Variants in PTTG1IP2 observed in about 807,000 individuals in gnomAD.
PTTG1IP2 encodes the protein PTTG1IP family member 2.
intron 6 of PTTG1IP2, among the ~76,000 whole-genome samples, chr7:90,501,477 G>A (rs994405413): frequency 1.3e-5 from 2 of 152,196 alleles, no homozygotes; most frequent in Non-Finnish European, 2.9e-5. Flanking sequence ...AGACCAGCCT[G>A]TGCAACATAG....
At chr7:90,505,954 G>T (rs373080633) in intron 6 of PTTG1IP2, among the ~76,000 whole-genome samples, 1 of 125,896 alleles carries the variant, frequency 7.9e-6, no homozygotes, top group African/African-American at 3.0e-5. Flanking sequence ...ACTGCAGTCC[G>T]CAGTCCGGCC....
rs141627876 is a variant in PTTG1IP2 at position 90,485,543 on chromosome 7, T to C, written c.193-1784T>C. Reference sequence around the variant, plus strand: ...TAAACACTCCTATTTAGAAGGAGGATAGTGGCCAATAGTCCTATAATATAT... The same window carrying C: ...TAAACACTCCTATTTAGAAGGAGGACAGTGGCCAATAGTCCTATAATATAT... On this transcript the variant is annotated intron_variant, in intron 2 of 6. Coordinates refer to ENST00000509356, the MANE Select transcript of PTTG1IP2 (RefSeq NM_001365443.2). Among the ~76,000 whole-genome samples, 245 of 152,306 alleles carry C rather than the reference T, an allele frequency of 1.6e-3. 3 individuals are homozygous for C. In the East Asian group the frequency reaches 0.034, roughly 21 times the overall value.
At chr7:90,480,436 A>G (rs1447202596) in intron 2 of PTTG1IP2, among the ~76,000 whole-genome samples, 1 of 152,188 alleles carries the variant, frequency 6.6e-6, no homozygotes. Context: ...CAAATACACC[A>G]ATAAAGAAAG....
Position 90,491,469 on chromosome 7 carries a change from A to C in PTTG1IP2, c.381-770A>C, listed in dbSNP as rs17866289. On this transcript the variant is annotated intron_variant, in intron 4 of 6. Coordinates refer to ENST00000509356, the MANE Select transcript of PTTG1IP2 (RefSeq NM_001365443.2). ...GAAACCCCATCTCTACTAAAAATAC[A>C]AAACTTAGCTGGGCGTGGTGGCACG... Among the ~76,000 whole-genome samples the C allele has an allele frequency of 7.3e-3, 1,112 of 152,142 alleles. 12 individuals are homozygous for C. The highest frequency in any genetic ancestry group is 0.041 in the Middle Eastern group (12 of 294).
At chr7:90,510,807 T>C (rs916592340) in intron 6 of PTTG1IP2, among the ~76,000 whole-genome samples, 16 of 152,250 alleles carry the variant, frequency 1.1e-4, no homozygotes, top group Non-Finnish European at 2.1e-4. Flanking sequence ...TCCACTGTTC[T>C]ATGTAAATAA....
chr7:90,507,842 A>G (rs763497633), intron 6 of PTTG1IP2, among the ~76,000 whole-genome samples: 2 of 152,212 alleles, frequency 1.3e-5, no homozygotes, highest in African/African-American at 2.4e-5. Flanking sequence ...TTATGAGCCT[A>G]TTATGTCACT....
At chr7:90,486,099 G>A (rs866134963) in intron 2 of PTTG1IP2, among the ~76,000 whole-genome samples, 3 of 152,122 alleles carry the variant, frequency 2.0e-5, no homozygotes, top group African/African-American at 4.8e-5. Context: ...TGGTACTTAC[G>A]CAGTGTCTAA....
intron 2 of PTTG1IP2, among the ~76,000 whole-genome samples, chr7:90,486,221 C>G (rs1306542695): frequency 6.6e-6 from 1 of 152,146 alleles, no homozygotes; most frequent in Non-Finnish European, 1.5e-5. Context: ...GTTACCAGCA[C>G]AGAGCCATGC....
chr7:90,503,806 A>G (rs1798087298), intron 6 of PTTG1IP2, among the ~76,000 whole-genome samples: 1 of 152,212 alleles, frequency 6.6e-6, no homozygotes, highest in Admixed American at 6.5e-5. Flanking sequence ...ACAATAATGA[A>G]CAACTTTGAA....
intron 6 of PTTG1IP2, among the ~76,000 whole-genome samples, chr7:90,511,674 T>A (rs1463268537): frequency 6.6e-6 from 1 of 152,196 alleles, no homozygotes. Context: ...CCTCTGGAAT[T>A]GCCAGCTCGC....
intron 6 of PTTG1IP2, among the ~76,000 whole-genome samples, chr7:90,507,517 C>T (rs570566307): frequency 2.0e-5 from 3 of 152,102 alleles, no homozygotes; most frequent in Admixed American, 2.0e-4. Context: ...AGGAAAAACT[C>T]CTAGAATATA....
chr7:90,511,944 A>G (rs554208338), intron 6 of PTTG1IP2, among the ~76,000 whole-genome samples: 1 of 152,348 alleles, frequency 6.6e-6, no homozygotes, highest in Admixed American at 6.5e-5. Context: ...TGCTCAGAAT[A>G]CTTCTCTATA....
chr7:90,479,123 A>C (rs962990856), intron 1 of PTTG1IP2, 105 bp from the exon 2 acceptor site: 2 of 152,632 alleles, frequency 1.3e-5, no homozygotes, highest in Non-Finnish European at 2.9e-5. Flanking sequence ...GGTATGGATG[A>C]CTATGGCTTA....
intron 1 of PTTG1IP2, among the ~76,000 whole-genome samples, chr7:90,472,038 C>G (rs1196386871): frequency 6.6e-6 from 1 of 151,960 alleles, no homozygotes; most frequent in Non-Finnish European, 1.5e-5. Flanking sequence ...TTGAGTTCTC[C>G]CCCTTGTCTA....
At chr7:90,480,354 T>C (rs1440098571) in intron 2 of PTTG1IP2, among the ~76,000 whole-genome samples, 1 of 152,206 alleles carries the variant, frequency 6.6e-6, no homozygotes, top group African/African-American at 2.4e-5. Context: ...CTATGAATTC[T>C]CATGGTTGTT....
intron 6 of PTTG1IP2, among the ~76,000 whole-genome samples, chr7:90,503,031 A>G (rs898859422): frequency 1.3e-5 from 2 of 152,106 alleles, no homozygotes; most frequent in African/African-American, 4.8e-5. Flanking sequence ...TTGAGAATCT[A>G]TTTTTTAGTG....
chr7:90,505,859 C>A (rs1798117154), intron 6 of PTTG1IP2, among the ~76,000 whole-genome samples: 1 of 151,886 alleles, frequency 6.6e-6, no homozygotes, highest in Non-Finnish European at 1.5e-5. Context: ...TGGCGGGCGC[C>A]TGTAGTCCCA....
At chr7:90,470,251 A>G (rs1356840635) in intron 1 of PTTG1IP2, 3 of 152,146 alleles carry the variant, frequency 2.0e-5, no homozygotes, top group Non-Finnish European at 4.4e-5. Context: ...GTTTTGTTCT[A>G]ATCAGACCCA....
At chr7:90,505,755 C>T (rs1050659923) in intron 6 of PTTG1IP2, among the ~76,000 whole-genome samples, 2 of 151,582 alleles carry the variant, frequency 1.3e-5, no homozygotes, top group Admixed American at 1.3e-4. Context: ...GAGGCCGAGG[C>T]GGGTGGATCA....
Sources: allele counts gnomAD v4.1 joint callset (sites outside exome capture counted in the v4.1 genomes callset), GRCh38; gene constraint gnomAD v4.1.1; transcripts MANE v1.5; gene names NCBI Gene and HGNC (gene_info 2026-07-23, HGNC 2026-07-21).